Variants in NHERF4 observed in about 807,000 individuals in gnomAD.
NHERF4 encodes Na(+)/H(+) exchange regulatory cofactor NHE-RF4.
At chr11:119,189,522 G>A in the NHERF4 span, 3 of 1,612,336 alleles carry the variant, frequency 1.9e-6, no homozygotes, top group Non-Finnish European at 2.5e-6. This position sits in a 1 kb window ranked among gnomAD's most constrained non-coding sequence, Gnocchi z 5.8. Context: ...GACATACTCA[G>A]GGGCTACCGT....
chr11:119,187,508 C>G, the NHERF4 span: 1 of 1,612,930 alleles, frequency 6.2e-7, no homozygotes, highest in Non-Finnish European at 8.5e-7. Flanking sequence ...GATCTCAGCC[C>G]CTGTTCAGGG....
the NHERF4 span, chr11:119,189,592 G>A: frequency 7.3e-7 from 1 of 1,364,248 alleles, no homozygotes; most frequent in African/African-American, 1.4e-5. This position sits in a 1 kb window ranked among gnomAD's most constrained non-coding sequence, Gnocchi z 5.8. Context: ...CCAGACCAGA[G>A]GGACTCAGAC....
At chr11:119,187,819 C>T in the NHERF4 span, 1 of 1,459,492 alleles carries the variant, frequency 6.9e-7, no homozygotes, top group Non-Finnish European at 9.0e-7. Context: ...TTATCACCAT[C>T]CTCCCCCTCT....
At chr11:119,186,591 G>A in the NHERF4 span, 1 of 1,614,112 alleles carries the variant, frequency 6.2e-7, no homozygotes, top group Non-Finnish European at 8.5e-7. The surrounding 1 kb of genome is among the most constrained non-coding windows in gnomAD (Gnocchi z 4.4). Flanking sequence ...TGGTGTGCAG[G>A]GTGGACCCAG....
the NHERF4 span, chr11:119,186,746 TCAGTCCCCTGGG>T: frequency 6.7e-7 from 1 of 1,493,548 alleles, no homozygotes; most frequent in Non-Finnish European, 9.0e-7. This position sits in a 1 kb window ranked among gnomAD's most constrained non-coding sequence, Gnocchi z 4.4. Flanking sequence ...AGCGGGTTGC[TCAGTCCCCTGGG>T]CAGTATGGCA....
At chr11:119,187,590 C>CT in the NHERF4 span, 4 of 1,588,470 alleles carry the variant, frequency 2.5e-6, no homozygotes, top group African/African-American at 2.7e-5. Context: ...CTGGTTGGTG[C>CT]TAAGTACTGG....
the NHERF4 span, chr11:119,186,141 C>G: frequency 6.2e-7 from 1 of 1,614,146 alleles, no homozygotes; most frequent in Non-Finnish European, 8.5e-7. This position sits in a 1 kb window ranked among gnomAD's most constrained non-coding sequence, Gnocchi z 4.4. Context: ...TGTCCTCTCC[C>G]TGGCCGAAGA....
At chr11:119,187,410 G>C in the NHERF4 span, 15 of 1,614,146 alleles carry the variant, frequency 9.3e-6, no homozygotes, top group African/African-American at 1.3e-5. Flanking sequence ...GGCCCCGGCT[G>C]TGCCACATAG....
chr11:119,188,086 A>G, the NHERF4 span: 2 of 1,550,630 alleles, frequency 1.3e-6, no homozygotes, highest in Non-Finnish European at 1.7e-6. Context: ...ACCTGGAGAA[A>G]GGGCCCCAGG....
chr11:119,186,723 C>T, the NHERF4 span: 3 of 1,557,178 alleles, frequency 1.9e-6, no homozygotes, highest in Admixed American at 1.9e-5. This position sits in a 1 kb window ranked among gnomAD's most constrained non-coding sequence, Gnocchi z 4.4. Flanking sequence ...CATGCTAGCA[C>T]CTCAGAAAGA....
At chr11:119,187,436 G>A in the NHERF4 span, 1 of 1,614,100 alleles carries the variant, frequency 6.2e-7, no homozygotes, top group Non-Finnish European at 8.5e-7. Context: ...GATGAGGGTG[G>A]TTTTGGCTTC....
the NHERF4 span, chr11:119,186,290 G>A: frequency 6.2e-7 from 1 of 1,602,752 alleles, no homozygotes; most frequent in African/African-American, 1.3e-5. This position sits in a 1 kb window ranked among gnomAD's most constrained non-coding sequence, Gnocchi z 4.4. Context: ...GTTGGGAGTA[G>A]AGATAGGAGG....
At chr11:119,190,062 C>A in the NHERF4 span, 1 of 504,566 alleles carries the variant, frequency 2.0e-6, no homozygotes, top group Non-Finnish European at 3.4e-6. This position sits in a 1 kb window ranked among gnomAD's most constrained non-coding sequence, Gnocchi z 4.2. Context: ...AGGTTGAGAC[C>A]TGGTCAAATT....
the NHERF4 span, chr11:119,185,894 T>C: frequency 6.2e-7 from 1 of 1,614,006 alleles, no homozygotes; most frequent in African/African-American, 1.3e-5. Context: ...AATGTGACTC[T>C]CCTCCTCTCA....
chr11:119,186,285 G>T, the NHERF4 span: 1 of 1,607,350 alleles, frequency 6.2e-7, no homozygotes, highest in Non-Finnish European at 8.5e-7. The surrounding 1 kb of genome is among the most constrained non-coding windows in gnomAD (Gnocchi z 4.4). Flanking sequence ...CCTTGGTTGG[G>T]AGTAGAGATA....
the NHERF4 span, chr11:119,188,512 CA>C: frequency 6.2e-7 from 1 of 1,604,320 alleles, no homozygotes; most frequent in Non-Finnish European, 8.5e-7. Flanking sequence ...GTGTCTCCCT[CA>C]CTGTCGTCGA....
chr11:119,186,432 G>C, the NHERF4 span: 1 of 1,604,812 alleles, frequency 6.2e-7, no homozygotes, highest in Non-Finnish European at 8.5e-7. This position sits in a 1 kb window ranked among gnomAD's most constrained non-coding sequence, Gnocchi z 4.4. Flanking sequence ...CTGTACTTGG[G>C]CTGTGCCCTC....
the NHERF4 span, chr11:119,190,169 AC>A: frequency 1.0e-6 from 1 of 960,724 alleles, no homozygotes; most frequent in South Asian, 2.1e-5. This position sits in a 1 kb window ranked among gnomAD's most constrained non-coding sequence, Gnocchi z 4.2. Context: ...AACAACAAAA[AC>A]AAAAAAAGAA....
the NHERF4 span, chr11:119,188,334 G>A: frequency 6.2e-7 from 1 of 1,613,234 alleles, no homozygotes; most frequent in African/African-American, 1.3e-5. Flanking sequence ...GAGAGGAGCA[G>A]TGAGGATGTC....
Sources: allele counts gnomAD v4.1 joint callset, GRCh38; gene constraint gnomAD v4.1.1; non-coding constraint Gnocchi (gnomAD v3.1); transcripts MANE v1.5; gene names NCBI Gene and HGNC (gene_info 2026-07-23, HGNC 2026-07-21).